The following GDPD4 variants were observed in gnomAD, a reference collection of about 807,000 sequenced individuals.
GDPD4 encodes glycerophosphodiester phosphodiesterase domain containing 4.
GDPD4 carries 60 observed loss-of-function variants against 67.8 expected under a neutral mutation model. That is an observed-to-expected ratio of 0.88 (90% confidence interval 0.72 to 1.10). GDPD4 has a LOEUF of 1.10. GDPD4 is among the 50% of genes least tolerant of loss of function. The pLI is 0.00. For missense variants in GDPD4, 623 were observed against 613.9 expected (o/e 1.01, Z -0.16); for synonymous variants, 212 against 210.9 (o/e 1.00, Z -0.04).
At chr11:77,225,679 CA>C (rs1958317153) in intron 16 of GDPD4, among the ~76,000 whole-genome samples, 1 of 152,108 alleles carries the variant, frequency 6.6e-6, no homozygotes, top group Admixed American at 6.5e-5. Flanking sequence ...CAGAAGACAA[CA>C]AAATTGACTT....
Position 77,265,435 on chromosome 11 carries a change from ATCTTT to A in GDPD4, c.707+3017_707+3021del, listed in dbSNP as rs571353140. Among the ~76,000 whole-genome samples the A allele has an allele frequency of 2.5e-3, 375 of 152,260 alleles. 1 individual carries two copies. The highest frequency in any genetic ancestry group is 3.7e-3 in the Non-Finnish European group (250 of 67,970). On this transcript the variant is annotated intron_variant, in intron 10 of 16. Coordinates refer to ENST00000315938, the MANE Select transcript of GDPD4 (RefSeq NM_182833.3). ...CTGATTTTAGAATCACTTTATCTATATCTTTTCTTAAGAAAGCTAACGCAATTCTT... is the reference window on the plus strand; with the variant it reads ...CTGATTTTAGAATCACTTTATCTATATCTTAAGAAAGCTAACGCAATTCTT...
At position 77,252,797 on chromosome 11, in the gene GDPD4, T is replaced by C. The variant is rs147930739; in HGVS notation, c.864+5589A>G. ...GGCTGCATTCAGCGTCAGCAAAAAC[T>C]GTGGGCATCTCAGTGGCTTAGGGGT... On this transcript the variant is annotated intron_variant, in intron 11 of 16. Coordinates refer to ENST00000315938, the MANE Select transcript of GDPD4 (RefSeq NM_182833.3). 2.6e-4 allele frequency among the ~76,000 whole-genome samples: 40 copies of C among 152,306 alleles called. 1 individual carries two copies. The East Asian group carries it at 7.7e-3, about 29-fold the overall frequency.
chr11:77,299,061 A>C (rs1054583908), intron 1 of GDPD4, among the ~76,000 whole-genome samples: 3 of 152,032 alleles, frequency 2.0e-5, no homozygotes, highest in East Asian at 1.9e-4. Context: ...TTTAGTCCTC[A>C]CACTGGCCTC....
At chr11:77,288,198 G>T (rs1029721431) in intron 1 of GDPD4, among the ~76,000 whole-genome samples, 5 of 152,082 alleles carry the variant, frequency 3.3e-5, no homozygotes, top group Non-Finnish European at 7.4e-5. Flanking sequence ...ACCAGTGCAT[G>T]TTACCTGGGA....
intron 7 of GDPD4, among the ~76,000 whole-genome samples, chr11:77,270,714 CACAA>C (rs540685783): frequency 1.1e-4 from 17 of 152,218 alleles, no homozygotes; most frequent in Middle Eastern, 3.4e-3. Flanking sequence ...TCTCAAAAAA[CACAA>C]ACAAACAAAC....
chr11:77,279,236 A>C (rs900204095), intron 4 of GDPD4, 70 bp downstream of exon 4: 25 of 958,314 alleles, frequency 2.6e-5, no homozygotes, highest in Non-Finnish European at 4.1e-5. Context: ...ACTGGATACT[A>C]TACCACAGGC....
Position 77,271,193 on chromosome 11 carries a change from T to C in GDPD4, c.337A>G (p.Ile113Val), listed in dbSNP as rs201478409. The part of the protein sequence containing the change: ...IFAPYVHLVS[I>V]TVMVILFWPV... ...CAGAAAAGGATAACCATCACAGTTA[T>C]GCTGACCAGGTGCACGTAGGGAGCA... The change falls in exon 7 of 17, where the codon ATA becomes GTA. Residue 113 changes from isoleucine (I) to valine (V), a missense_variant. Transcript: ENST00000315938. 36 of 1,613,052 alleles carry C rather than the reference T, an allele frequency of 2.2e-5. No homozygotes were observed. In the African/African-American group the frequency reaches 4.4e-4, roughly 20 times the overall value.
At chr11:77,292,210 A>T (rs1937802116) in intron 1 of GDPD4, among the ~76,000 whole-genome samples, 1 of 152,104 alleles carries the variant, frequency 6.6e-6, no homozygotes, top group Admixed American at 6.5e-5. Flanking sequence ...AGAGATTTCA[A>T]TACCCCTTTC....
At chr11:77,263,099 C>T (rs1959151366) in intron 10 of GDPD4, among the ~76,000 whole-genome samples, 1 of 151,758 alleles carries the variant, frequency 6.6e-6, no homozygotes, top group Admixed American at 6.6e-5. Context: ...AATTCATTTC[C>T]AGCATACCTT....
intron 5 of GDPD4, among the ~76,000 whole-genome samples, chr11:77,272,859 A>G (rs1959281742): frequency 6.6e-6 from 1 of 152,094 alleles, no homozygotes; most frequent in Non-Finnish European, 1.5e-5. Context: ...CTCCCGTATT[A>G]GTATACATTC....
rs1959191802 is a variant in GDPD4 at position 77,268,913 on chromosome 11, C to G, written c.624+11G>C. ...CTTATTTTCACCCATGTTCATCATG[C>G]TCAGACCTACCATGGGTGCACCTCT... On this transcript the variant is annotated intron_variant, in intron 9 of 16. Coordinates refer to ENST00000315938, the MANE Select transcript of GDPD4 (RefSeq NM_182833.3). The G allele has an allele frequency of 6.2e-7, 1 of 1,613,090 alleles. No homozygotes were observed. Among genetic ancestry groups the G allele is most frequent in the Non-Finnish European group, 8.5e-7 (1 of 1,179,482 alleles).
chr11:77,270,260 CT>C (rs906939818), intron 7 of GDPD4, among the ~76,000 whole-genome samples: 35 of 152,286 alleles, frequency 2.3e-4, no homozygotes, highest in African/African-American at 7.7e-4. Context: ...AGATCCAGTT[CT>C]TTTGATTCCA....
chr11:77,279,167 G>T (rs780451661), intron 4 of GDPD4, 139 bp downstream of exon 4: 1 of 558,088 alleles, frequency 1.8e-6, no homozygotes, highest in Admixed American at 3.1e-5. Context: ...ACTAGCTAAT[G>T]TAAATCCCAA....
chr11:77,219,415 C>A (rs1958185624), intron 16 of GDPD4, among the ~76,000 whole-genome samples: 1 of 152,096 alleles, frequency 6.6e-6, no homozygotes, highest in Non-Finnish European at 1.5e-5. Flanking sequence ...GCTTTTGTTG[C>A]CATTGCTTTT....
chr11:77,239,631 G>C (rs1383675603), intron 13 of GDPD4, among the ~76,000 whole-genome samples: 4 of 152,000 alleles, frequency 2.6e-5, no homozygotes, highest in Admixed American at 6.6e-5. Flanking sequence ...CTTTACCAAG[G>C]AGGTGAAAGA....
At chr11:77,222,014 T>C (rs1469954217) in intron 16 of GDPD4, among the ~76,000 whole-genome samples, 1 of 152,224 alleles carries the variant, frequency 6.6e-6, no homozygotes, top group Non-Finnish European at 1.5e-5. Flanking sequence ...TTTGTTGGTT[T>C]AAAGTCTGTT....
chr11:77,249,093 T>G (rs1565521181), intron 11 of GDPD4, among the ~76,000 whole-genome samples: 1 of 151,094 alleles, frequency 6.6e-6, no homozygotes, highest in Non-Finnish European at 1.5e-5. Context: ...GGTGAAACCC[T>G]GTCTCTACTA....
intron 3 of GDPD4, among the ~76,000 whole-genome samples, chr11:77,280,598 A>G (rs1565540801): frequency 6.6e-6 from 1 of 152,148 alleles, no homozygotes; most frequent in Non-Finnish European, 1.5e-5. Context: ...TCACATTGAT[A>G]TTTTATTTTA....
At chr11:77,283,639 C>T (rs981303132) in intron 3 of GDPD4, among the ~76,000 whole-genome samples, 3 of 151,832 alleles carry the variant, frequency 2.0e-5, no homozygotes, top group Non-Finnish European at 4.4e-5. Flanking sequence ...TAACTGAAAA[C>T]CCCCAATGAA....
Sources: gnomAD v4.1 joint callset for allele counts (sites outside exome capture counted in the v4.1 genomes callset) on GRCh38, gnomAD v4.1.1 for gene constraint, MANE v1.5 for transcripts, NCBI Gene and HGNC (gene_info 2026-07-23, HGNC 2026-07-21) for gene names.